USP47: variants seen among roughly 807,000 people sequenced by gnomAD.
USP47 encodes ubiquitin carboxyl-terminal hydrolase 47.
A neutral mutation model predicts 165.1 loss-of-function variants in USP47; 35 were observed. The observed-to-expected ratio is 0.21, with a 90% CI of 0.16 to 0.28. The LOEUF (loss-of-function observed/expected upper bound fraction) is 0.28, where lower values mean the gene tolerates loss of function less well. USP47 is among the 10% of genes least tolerant of loss of function. The pLI, the probability that USP47 is intolerant of heterozygous loss-of-function variation, is 1.00. For synonymous variants in USP47, 531 were observed against 544.5 expected, an observed-to-expected ratio of 0.98 and a Z score of 0.35; for missense variants, 1,277 against 1,607.4, an observed-to-expected ratio of 0.79 and a Z score of 3.52.
At position 11,957,972 on chromosome 11, in the gene USP47, A is replaced by G. The variant is rs1847281670; in HGVS notation, c.*1797A>G. The G allele has an allele frequency of 6.6e-6, 1 of 152,238 alleles. No homozygotes were observed. Among genetic ancestry groups the G allele is most frequent in the Non-Finnish European group, 1.5e-5 (1 of 68,040 alleles). The allele number at this position is 152,238 out of a possible 1,614,324, so 9.4% of individuals were successfully genotyped here. A position where few individuals can be genotyped will look rare whatever the true frequency, so the allele number is the denominator to read the frequency against. Reference sequence around the variant, plus strand: ...CATTAGTGGGATTGGTGATGTTCTCAGAAGAAAATTGGAAACACTTGTGAT... The same window carrying G: ...CATTAGTGGGATTGGTGATGTTCTCGGAAGAAAATTGGAAACACTTGTGAT... On this transcript the variant is annotated 3_prime_UTR_variant, in exon 28 of 28. Transcript: ENST00000527733.
chr11:11,920,318 C>T (rs761153711), intron 9 of USP47, 24 bp from the exon 10 acceptor site: 3 of 1,605,582 alleles, frequency 1.9e-6, no homozygotes, highest in South Asian at 1.1e-5. Flanking sequence ...TAGACTCTCC[C>T]CCTTTTTGTT....
At chr11:11,858,806 T>A (rs1275022635) in intron 1 of USP47, among the ~76,000 whole-genome samples, 1 of 152,222 alleles carries the variant, frequency 6.6e-6, no homozygotes, top group Non-Finnish European at 1.5e-5. Context: ...TGATAAACAT[T>A]TGGGTTGTTT....
At chr11:11,843,382 A>C (rs1848251907) in intron 1 of USP47, among the ~76,000 whole-genome samples, 3 of 152,226 alleles carry the variant, frequency 2.0e-5, no homozygotes, top group African/African-American at 7.2e-5. Flanking sequence ...GTTATGTGTC[A>C]GTATTTGTTC....
At chr11:11,856,759 T>A (rs1025180499) in intron 1 of USP47, 1 of 152,268 alleles carries the variant, frequency 6.6e-6, no homozygotes, top group African/African-American at 2.4e-5. Flanking sequence ...CTTATAATGA[T>A]GTGGTTTCTT....
chr11:11,948,097 T>C lies in USP47; in HGVS notation c.3244T>C (p.Ser1082Pro), dbSNP rs769712996. ...GAGCGTCCGGCTGAATGAGACACTT[T>C]CATCATTTTCTGATGACAATAAGGT... ...FESVRLNETL[S>P]SFSDDNKITI... The change falls in exon 21 of 28, where the codon TCA becomes CCA. Residue 1082 changes from serine to proline, a missense_variant. By Grantham distance (74) the Ser-to-Pro change is moderately conservative (BLOSUM62 -1). Coordinates refer to ENST00000527733, the MANE Select transcript of USP47 (RefSeq NM_001282659.2). 4 of 1,610,888 alleles carry C rather than the reference T, an allele frequency of 2.5e-6. No individual in the cohort carries two copies. The highest frequency in any genetic ancestry group is 3.4e-6 in the Non-Finnish European group (4 of 1,179,052).
intron 3 of USP47, among the ~76,000 whole-genome samples, chr11:11,887,816 A>G (rs751227103): frequency 1.3e-5 from 2 of 152,198 alleles, no homozygotes; most frequent in African/African-American, 4.8e-5. Flanking sequence ...AACTGATCAC[A>G]TAATCAGAAG....
At chr11:11,845,250 C>G (rs1377361933) in intron 1 of USP47, among the ~76,000 whole-genome samples, 1 of 152,152 alleles carries the variant, frequency 6.6e-6, no homozygotes. Context: ...CAGCTTATCT[C>G]TTCTCCCATG....
chr11:11,875,068 TGTGTGTGTG>T lies in USP47; in HGVS notation c.40-5108_40-5100del, dbSNP rs1564859528. On this transcript the variant is annotated intron_variant, in intron 1 of 27. Coordinates refer to ENST00000527733, the MANE Select transcript of USP47 (RefSeq NM_001282659.2). ...GTGTGTGTGTGTGTGTGTGTGTGTG[TGTGTGTGTG>T]TGTGTTTAAAAGCTTGTAACCATAA... 3.6e-4 allele frequency among the ~76,000 whole-genome samples: 54 copies of T among 151,232 alleles called. 1 individual carries two copies. The highest frequency in any genetic ancestry group is 4.8e-4 in the African/African-American group (20 of 41,298).
intron 7 of USP47, 142 bp downstream of exon 7, chr11:11,903,484 G>A (rs1852356216): frequency 1.4e-6 from 1 of 726,984 alleles, no homozygotes; most frequent in Middle Eastern, 2.5e-4. Flanking sequence ...TGAAAGTACT[G>A]AGTTCTCATT....
intron 24 of USP47, among the ~76,000 whole-genome samples, 162 bp downstream of exon 24, chr11:11,950,644 G>A (rs1257647942): frequency 6.6e-6 from 1 of 152,056 alleles, no homozygotes; most frequent in Non-Finnish European, 1.5e-5. Flanking sequence ...GGATTGATGT[G>A]ATTCCTACCT....
At chr11:11,947,104 A>C (rs1008465888) in intron 20 of USP47, among the ~76,000 whole-genome samples, 1 of 152,192 alleles carries the variant, frequency 6.6e-6, no homozygotes, top group Admixed American at 6.5e-5. Flanking sequence ...TTATTAACTG[A>C]GAGTCTGGTT....
chr11:11,887,608 C>T (rs1373648867), intron 3 of USP47, among the ~76,000 whole-genome samples: 1 of 152,176 alleles, frequency 6.6e-6, no homozygotes, highest in Non-Finnish European at 1.5e-5. Flanking sequence ...GAGACTTACA[C>T]TCCCACACAA....
chr11:11,846,084 A>G (rs1848410930), intron 1 of USP47, among the ~76,000 whole-genome samples: 1 of 152,192 alleles, frequency 6.6e-6, no homozygotes, highest in African/African-American at 2.4e-5. Context: ...TGTACCCAGA[A>G]AGAGCAAAGA....
rs527654736 is a variant in USP47 at position 11,926,032 on chromosome 11, T to C, written c.1386+3141T>C. On this transcript the variant is annotated intron_variant, in intron 11 of 27. Transcript: ENST00000527733. Reference sequence around the variant, plus strand: ...TTTTTCATTCTGTTAATGTAGTGTATTACATTGATCACTTAGTCATGATGT... The same window carrying C: ...TTTTTCATTCTGTTAATGTAGTGTACTACATTGATCACTTAGTCATGATGT... Among the ~76,000 whole-genome samples, 190 of 152,302 alleles carry C rather than the reference T, an allele frequency of 1.2e-3. 5 individuals carry two copies. In the South Asian group the frequency reaches 0.038, roughly 31 times the overall value.
intron 8 of USP47, among the ~76,000 whole-genome samples, chr11:11,911,322 T>TA (rs968825429): frequency 1.5e-4 from 23 of 151,812 alleles, no homozygotes; most frequent in Non-Finnish European, 3.2e-4. Context: ...TGAAAGGAGA[T>TA]TAATAAGGAA....
At chr11:11,950,029 C>T (rs376097848) in intron 23 of USP47, 25 bp downstream of exon 23, 173 of 1,508,752 alleles carry the variant, frequency 1.1e-4, no homozygotes, top group Non-Finnish European at 1.4e-4. Context: ...ATGTCATCAG[C>T]GATTTGAAGA....
chr11:11,940,520 A>G lies in USP47; in HGVS notation c.2285A>G (p.Lys762Arg), dbSNP rs765711456. ...CTCAGTGTCTCCAGTAAAACCCTGA[A>G]AGCTGAAGGATTTTTTAGAAGTAAC... ...RLLSVSSKTLKAEGFFRSNKV... is the reference protein window; with the variant it reads ...RLLSVSSKTLRAEGFFRSNKV... The change falls in exon 19 of 28, where the codon AAA becomes AGA. Residue 762 changes from lysine (K) to arginine (R), a missense_variant. Physicochemically the swap from Lys to Arg is conservative, Grantham distance 26 (BLOSUM62 2). Around this residue, in one of 4 missense-constraint regions of USP47, gnomAD observed 909 missense variants for 1,068.1 expected, o/e 0.85. Transcript: ENST00000527733. 6.2e-7 allele frequency: 1 copy of G among 1,611,850 alleles called. No homozygotes were observed. Among genetic ancestry groups the G allele is most frequent in the Non-Finnish European group, 8.5e-7 (1 of 1,178,510 alleles).
At chr11:11,954,774 T>G in intron 25 of USP47, 123 bp from the exon 26 acceptor site, 1 of 1,162,748 alleles carries the variant, frequency 8.6e-7, no homozygotes, top group Non-Finnish European at 1.2e-6. Flanking sequence ...TGCTTTTTCT[T>G]AATTTTTTTA....
chr11:11,844,928 C>G (rs955633390), intron 1 of USP47, among the ~76,000 whole-genome samples: 3 of 152,046 alleles, frequency 2.0e-5, no homozygotes, highest in Non-Finnish European at 4.4e-5. Context: ...CAGGCATTGG[C>G]AAACCACGGC....
Sources: gnomAD v4.1 joint callset for allele counts (sites outside exome capture counted in the v4.1 genomes callset) on GRCh38, gnomAD v4.1.1 for gene constraint, gnomAD v4.1.1 regional missense constraint, MANE v1.5 for transcripts, NCBI Gene and HGNC (gene_info 2026-07-23, HGNC 2026-07-21) for gene names.